Variants in DRC8 observed in about 807,000 individuals in gnomAD.
DRC8 encodes dynein regulatory complex protein 8.
At chr1:245,011,823 T>A in the DRC8 span, among the ~76,000 whole-genome samples, 7 of 152,248 alleles carry the variant, frequency 4.6e-5, no homozygotes, top group Non-Finnish European at 8.8e-5. Flanking sequence ...AATATACTAA[T>A]ACACACTATA....
the DRC8 span, among the ~76,000 whole-genome samples, chr1:245,046,823 C>T: frequency 8.5e-5 from 13 of 152,064 alleles, no homozygotes; most frequent in Non-Finnish European, 1.8e-4. Flanking sequence ...CCTCATTTGC[C>T]CTTGTATTTT....
At chr1:245,028,901 T>G in the DRC8 span, among the ~76,000 whole-genome samples, 1 of 152,190 alleles carries the variant, frequency 6.6e-6, no homozygotes, top group Non-Finnish European at 1.5e-5. Context: ...TTATACCCTG[T>G]TTTTACTGAA....
the DRC8 span, among the ~76,000 whole-genome samples, chr1:245,018,628 C>T: frequency 6.6e-6 from 1 of 152,094 alleles, no homozygotes; most frequent in Non-Finnish European, 1.5e-5. Flanking sequence ...GACCTCAGAC[C>T]TCTCCTTGAA....
At chr1:245,099,821 A>G in the DRC8 span, among the ~76,000 whole-genome samples, 1 of 438 alleles carries the variant, frequency 2.3e-3, no homozygotes, top group Admixed American at 0.045. Context: ...TTTTTAAGCT[A>G]CAATACACGT....
At chr1:245,057,394 C>T in the DRC8 span, among the ~76,000 whole-genome samples, 9 of 152,288 alleles carry the variant, frequency 5.9e-5, no homozygotes, top group East Asian at 1.7e-3. Flanking sequence ...TCTTATTTAA[C>T]CCAATGTGTC....
chr1:245,015,965 C>CTTTTTTTTTTTTTTTTTT, the DRC8 span, among the ~76,000 whole-genome samples: 1 of 57,190 alleles, frequency 1.7e-5, no homozygotes, highest in African/African-American at 6.6e-5. Flanking sequence ...GCCTACAGGG[C>CTTTTTTTTTTTTTTTTTT]TTTTTTTTTT....
chr1:245,013,950 T>C, the DRC8 span, among the ~76,000 whole-genome samples: 4 of 141,320 alleles, frequency 2.8e-5, no homozygotes, highest in Non-Finnish European at 6.0e-5. Flanking sequence ...GAAAATCTCT[T>C]GAGCCTGGGA....
chr1:245,033,685 G>A, the DRC8 span, among the ~76,000 whole-genome samples: 3 of 151,856 alleles, frequency 2.0e-5, no homozygotes, highest in African/African-American at 7.3e-5. Context: ...ATTGTCTTTT[G>A]TTTTCTTTTC....
At chr1:245,024,671 C>G in the DRC8 span, among the ~76,000 whole-genome samples, 2 of 151,864 alleles carry the variant, frequency 1.3e-5, no homozygotes, top group East Asian at 3.9e-4. Flanking sequence ...TCTCAGCCTC[C>G]TGAGAAGCTG....
the DRC8 span, among the ~76,000 whole-genome samples, chr1:244,975,734 C>G: frequency 7.0e-4 from 106 of 152,042 alleles, no homozygotes; most frequent in African/African-American, 2.3e-3. Flanking sequence ...GTGGCGCGTG[C>G]CTGTAATCCC....
At chr1:245,024,183 T>A in the DRC8 span, among the ~76,000 whole-genome samples, 1 of 151,798 alleles carries the variant, frequency 6.6e-6, no homozygotes, top group African/African-American at 2.4e-5. Context: ...AAAAAAAAAA[T>A]TATCCTTATT....
At chr1:245,101,952 G>A in the DRC8 span, among the ~76,000 whole-genome samples, 14 of 152,224 alleles carry the variant, frequency 9.2e-5, no homozygotes, top group Non-Finnish European at 1.5e-4. Flanking sequence ...TTCCAATGAC[G>A]TTATCAATCT....
the DRC8 span, chr1:244,970,552 C>G: frequency 7.1e-7 from 1 of 1,414,912 alleles, no homozygotes; most frequent in South Asian, 1.3e-5. Context: ...AGTTCCCACC[C>G]GCAGGGAAAG....
the DRC8 span, among the ~76,000 whole-genome samples, chr1:245,013,187 T>C: frequency 6.6e-6 from 1 of 152,046 alleles, no homozygotes; most frequent in African/African-American, 2.4e-5. Context: ...ATCTGTAAAT[T>C]GTTGAAGAAA....
At chr1:245,026,876 T>C in the DRC8 span, among the ~76,000 whole-genome samples, 2 of 152,178 alleles carry the variant, frequency 1.3e-5, no homozygotes, top group South Asian at 4.1e-4. Flanking sequence ...ATAAGGATTA[T>C]CCTCAGAATA....
the DRC8 span, among the ~76,000 whole-genome samples, chr1:245,114,280 T>C: frequency 6.6e-6 from 1 of 151,966 alleles, no homozygotes; most frequent in African/African-American, 2.4e-5. Context: ...CTGGCCGATA[T>C]GGTGAAACCC....
chr1:245,009,680 G>A, the DRC8 span, among the ~76,000 whole-genome samples: 1 of 151,626 alleles, frequency 6.6e-6, no homozygotes, highest in Admixed American at 6.6e-5. Context: ...TGTTAGCCAG[G>A]ATGGTCTCGA....
chr1:245,051,118 C>G, the DRC8 span, among the ~76,000 whole-genome samples: 13 of 152,034 alleles, frequency 8.6e-5, no homozygotes, highest in Non-Finnish European at 1.5e-4. Flanking sequence ...AGCAACCTGG[C>G]CAGGCTCATG....
chr1:245,084,862 A>G, the DRC8 span, among the ~76,000 whole-genome samples: 6 of 152,342 alleles, frequency 3.9e-5, no homozygotes, highest in East Asian at 1.2e-3. Flanking sequence ...TGAGGGTCAG[A>G]ATGGCAAGGC....
Sources: allele counts gnomAD v4.1 joint callset (sites outside exome capture counted in the v4.1 genomes callset), GRCh38; gene constraint gnomAD v4.1.1; transcripts MANE v1.5; gene names NCBI Gene and HGNC (gene_info 2026-07-23, HGNC 2026-07-21).